MATK: variants seen among roughly 807,000 people sequenced by gnomAD.
MATK encodes the protein megakaryocyte-associated tyrosine kinase.
MATK carries 41 observed loss-of-function variants against 59.8 expected under a neutral mutation model. The ratio of observed to expected loss-of-function variants is 0.69; its 90% CI spans 0.53 to 0.89. MATK has a LOEUF of 0.89. Among genes scored for constraint, MATK ranks in the 40% least tolerant of loss-of-function variants. The pLI, the probability that MATK is intolerant of heterozygous loss-of-function variation, is 0.00. For synonymous variants in MATK, 308 were observed against 306.1 expected (o/e 1.01, Z -0.06); for missense variants, 593 against 719.6 (o/e 0.82, Z 2.01).
chr19:3,801,267 C>T (rs564711216), intron 1 of MATK, among the ~76,000 whole-genome samples: 1 of 152,318 alleles, frequency 6.6e-6, no homozygotes, highest in Admixed American at 6.5e-5. Context: ...GTCCCAGAAG[C>T]TAAACTAGGG....
intron 3 of MATK, 33 bp downstream of exon 3, chr19:3,784,792 G>C (rs367727401): frequency 3.9e-6 from 6 of 1,524,106 alleles, no homozygotes; most frequent in Admixed American, 3.9e-5. Context: ...AGAAGGACCC[G>C]GGGAGCAGAG....
chr19:3,786,407 G>T (rs1418378455), upstream of MATK: 1 of 980,078 alleles, frequency 1.0e-6, no homozygotes, highest in Non-Finnish European at 1.2e-6. This position sits in a 1 kb window ranked among gnomAD's most constrained non-coding sequence, Gnocchi z 4.1. Context: ...CGCCGCCGCC[G>T]CCGCCGGCCC....
At chr19:3,793,999 C>T (rs906111706) in intron 1 of MATK, among the ~76,000 whole-genome samples, 1 of 152,196 alleles carries the variant, frequency 6.6e-6, no homozygotes, top group African/African-American at 2.4e-5. Context: ...TCCCTTGTCT[C>T]CCAAAAGCTC....
At chr19:3,780,668 G>A (rs1290785028) in intron 8 of MATK, among the ~76,000 whole-genome samples, 2 of 149,474 alleles carry the variant, frequency 1.3e-5, no homozygotes, top group African/African-American at 4.9e-5. Context: ...TCATGACCTC[G>A]TGATCCGCCC....
chr19:3,784,278 G>T, intron 4 of MATK, 39 bp from the exon 5 acceptor site: 3 of 1,598,612 alleles, frequency 1.9e-6, no homozygotes, highest in Non-Finnish European at 2.6e-6. Context: ...TGGGGGGTGT[G>T]GGGGTGGTCC....
chr19:3,793,604 A>T (rs1427652493), intron 1 of MATK, among the ~76,000 whole-genome samples: 1 of 152,102 alleles, frequency 6.6e-6, no homozygotes, highest in East Asian at 1.9e-4. Flanking sequence ...CGGGAGGCTG[A>T]GGCAGGAGAA....
Position 3,784,855 on chromosome 19 carries a change from G to T in MATK, c.102C>A (p.His34Gln), listed in dbSNP as rs751968482. The T allele has an allele frequency of 1.3e-6, 2 of 1,551,058 alleles. No homozygotes were observed. Among genetic ancestry groups the T allele is most frequent in the Non-Finnish European group, 8.7e-7 (1 of 1,145,938 alleles). ...GCATCCTGGCTGAGACGGGAGGGGGGTGCCAGGCTCGGAGGAAGCGGGGGC... is the reference window on the plus strand; with the variant it reads ...GCATCCTGGCTGAGACGGGAGGGGGTTGCCAGGCTCGGAGGAAGCGGGGGC... Reference protein sequence around the residue: ...RVSPRFLRAWHPPPVSARMPT... With the variant: ...RVSPRFLRAWQPPPVSARMPT... The change falls in exon 3 of 14, where the codon CAC (histidine) becomes CAA (glutamine). Residue 34 changes from histidine to glutamine, a missense_variant. Coordinates refer to ENST00000310132, the MANE Select transcript of MATK (RefSeq NM_139355.3).
At chr19:3,785,912 C>G (rs929954291) in intron 1 of MATK, 1 of 152,446 alleles carries the variant, frequency 6.6e-6, no homozygotes, top group African/African-American at 2.4e-5. Flanking sequence ...CACGTGGACG[C>G]GCGGGTACAC....
intron 1 of MATK, chr19:3,793,068 A>C (rs2037557889): frequency 6.6e-6 from 1 of 152,154 alleles, no homozygotes; most frequent in South Asian, 2.1e-4. Flanking sequence ...ACGCTGCATC[A>C]CTCATTCTGC....
intron 1 of MATK, among the ~76,000 whole-genome samples, chr19:3,795,010 C>T (rs2037580758): frequency 7.4e-6 from 1 of 135,552 alleles, no homozygotes; most frequent in African/African-American, 2.9e-5. Flanking sequence ...TGGAGTCTCG[C>T]TCTGTTGCCC....
At chr19:3,799,073 G>A (rs1490273524) in intron 1 of MATK, among the ~76,000 whole-genome samples, 2 of 151,948 alleles carry the variant, frequency 1.3e-5, no homozygotes, top group Middle Eastern at 3.4e-3. Context: ...CCAAAGTGCT[G>A]GGATTACAAG....
In MATK at chr19:3,778,268, C is replaced by T. The variant is rs748236838; in HGVS notation, c.1439G>A (p.Arg480Gln). The change falls in exon 14 of 14, where the codon CGG becomes CAG. Residue 480 changes from arginine (R) to glutamine (Q), a missense_variant. Transcript: ENST00000310132. ...TGGGGCACCTGCACTGCGTAGCTCC[C>T]GGGCCAGCTTCTCGGCCAGTTTGCG... ...PFRKLAEKLARELRSAGAPAS... is the reference protein window; with the variant it reads ...PFRKLAEKLAQELRSAGAPAS... 27 of 1,574,302 alleles carry T rather than the reference C, an allele frequency of 1.7e-5. No individual in the cohort carries two copies. Among genetic ancestry groups the T allele is most frequent in the Middle Eastern group, 1.7e-4 (1 of 5,902 alleles).
chr19:3,800,142 A>C (rs1256506993), intron 1 of MATK, among the ~76,000 whole-genome samples: 9 of 94,446 alleles, frequency 9.5e-5, no homozygotes, highest in African/African-American at 3.6e-4. Context: ...ACTCCGTCTC[A>C]AAAAAAAAAA....
intron 3 of MATK, 103 bp from the exon 4 acceptor site, chr19:3,784,554 A>C: frequency 3.8e-6 from 3 of 784,308 alleles, no homozygotes; most frequent in South Asian, 3.4e-5. Context: ...AGGTATAGAG[A>C]TTGGAAAAGA....
At chr19:3,790,747 A>G (rs537479089), upstream of MATK, among the ~76,000 whole-genome samples, 1 of 152,206 alleles carries the variant, frequency 6.6e-6, no homozygotes, top group East Asian at 1.9e-4. Context: ...TCACTCTCCC[A>G]CACACAACTC....
chr19:3,779,805 G>T lies in MATK; in HGVS notation c.743-8C>A. 3 of 1,568,382 alleles carry T rather than the reference G, an allele frequency of 1.9e-6. No individual in the cohort carries two copies. Among genetic ancestry groups the T allele is most frequent in the Non-Finnish European group, 2.6e-6 (3 of 1,139,664 alleles). On this transcript the variant is annotated splice_polypyrimidine_tract_variant and splice_region_variant and intron_variant, in intron 8 of 13. Transcript: ENST00000310132. Reference sequence around the variant, plus strand: ...ACTCACCCTGCAGGACAGCTGGGGGGTGGGGGTGGGGAACGGGGTGAGATC... The same window carrying T: ...ACTCACCCTGCAGGACAGCTGGGGGTTGGGGGTGGGGAACGGGGTGAGATC...
intron 1 of MATK, among the ~76,000 whole-genome samples, chr19:3,793,570 C>T (rs2368923): frequency 0.029 from 4,364 of 152,142 alleles, 193 homozygotes; most frequent in East Asian, 0.22. Context: ...GGTGTGGTGG[C>T]GGGTGCCTGT....
At position 3,779,016 on chromosome 19, in the gene MATK, C is replaced by A. The variant is rs36072143; in HGVS notation, c.1173G>T (p.Thr391=). The part of the protein sequence containing the change: ...LDSSRLPVKW[T]APEALKHGKF... The stretch of plus-strand genomic sequence containing the variant: ...CCCCGTGTTTGAGAGCCTCGGGCGC[C>A]GTCCACTTGACGGGCAGCCGGCTTG... The change falls in exon 12 of 14, where the codon ACG becomes ACT. Residue 391 remains threonine, a synonymous_variant. Transcript: ENST00000310132. 62,397 of 1,579,024 alleles carry A rather than the reference C, an allele frequency of 0.04. 1,430 individuals are homozygous for A. The highest frequency in any genetic ancestry group is 0.059 in the Middle Eastern group (349 of 5,894).
upstream of MATK, chr19:3,787,679 C>T (rs544892946): frequency 1.3e-5 from 2 of 152,214 alleles, no homozygotes; most frequent in African/African-American, 4.8e-5. Flanking sequence ...AGCCACCACG[C>T]CTTGCACCTT....
Sources: allele counts gnomAD v4.1 joint callset (sites outside exome capture counted in the v4.1 genomes callset), GRCh38; gene constraint gnomAD v4.1.1; non-coding constraint Gnocchi (gnomAD v3.1); transcripts MANE v1.5; gene names NCBI Gene and HGNC (gene_info 2026-07-23, HGNC 2026-07-21).